POLDIP2: variants seen among roughly 807,000 people sequenced by gnomAD.
The protein encoded by POLDIP2 is polymerase delta-interacting protein 2.
In POLDIP2, 32 loss-of-function variants were observed where a neutral mutation model predicts 52.9. That is an observed-to-expected ratio of 0.61 (90% CI 0.46 to 0.81). The LOEUF is 0.81. Ranked by LOEUF, POLDIP2 falls within the 40% of genes least tolerant of loss-of-function variation. POLDIP2 has a pLI of 0.00. For missense variants in POLDIP2, 371 were observed against 477.3 expected (o/e 0.78, Z 2.07); for synonymous variants, 183 against 183.0 (o/e 1.00, Z 0.00).
chr17:28,349,075 T>A lies in POLDIP2; in HGVS notation c.992+8A>T, dbSNP rs1907697521. 6.2e-7 allele frequency: 1 copy of A among 1,601,420 alleles called. No homozygotes were observed. The highest frequency in any genetic ancestry group is 1.1e-5 in the South Asian group (1 of 90,482). ...GGGTGGCCCCTACTGCTGTGCACACTCACTCACCACATGTGCCCACTGGAA... is the reference window on the plus strand; with the variant it reads ...GGGTGGCCCCTACTGCTGTGCACACACACTCACCACATGTGCCCACTGGAA... On this transcript the variant is annotated splice_region_variant and intron_variant, in intron 10 of 10. Coordinates refer to ENST00000540200, the MANE Select transcript of POLDIP2 (RefSeq NM_015584.5).
At position 28,357,500 on chromosome 17, in the gene POLDIP2, G is replaced by A. The variant is rs1288002762; in HGVS notation, c.-52C>T. On this transcript the variant is annotated 5_prime_UTR_variant, in exon 1 of 11. Transcript: ENST00000540200. ...CTGACACAGAGCCCGACCCGCGGCC[G>A]GGCGGCGTTCCGCCCCAGTCCCACA... 4 of 1,432,928 alleles carry A rather than the reference G, an allele frequency of 2.8e-6. No homozygotes were observed. The highest frequency in any genetic ancestry group is 1.5e-5 in the South Asian group (1 of 67,040). The allele number at this position is 1,432,928 out of a possible 1,614,324, so 88.8% of individuals were successfully genotyped here. A position where few individuals can be genotyped will look rare whatever the true frequency, so the allele number is the denominator to read the frequency against.
At chr17:28,354,641 G>A in intron 2 of POLDIP2, 56 bp from the exon 3 acceptor site, 1 of 1,209,076 alleles carries the variant, frequency 8.3e-7, no homozygotes, top group Non-Finnish European at 1.2e-6. Flanking sequence ...CATCCAGGTG[G>A]GCCCCAGACC....
At position 28,357,451 on chromosome 17, in the gene POLDIP2, C is replaced by G. The variant is rs781900846; in HGVS notation, c.-3G>C. On this transcript the variant is annotated 5_prime_UTR_variant, in exon 1 of 11. Coordinates refer to ENST00000540200, the MANE Select transcript of POLDIP2 (RefSeq NM_015584.5). The stretch of plus-strand genomic sequence containing the variant: ...CGCCGGGCTGTACAGGCTGCCATGT[C>G]CCGCCCGAGCGCCCGCCCGGCTGCT... The G allele has an allele frequency of 1.1e-4, 163 of 1,438,982 alleles. No individual in the cohort carries two copies. Among genetic ancestry groups the G allele is most frequent in the Non-Finnish European group, 1.5e-4 (162 of 1,110,622 alleles). 89.1% of individuals were successfully genotyped at this position (1,438,982 alleles called of 1,614,324 possible).
rs574594599 is a variant in POLDIP2 at position 28,347,174 on chromosome 17, G to C, written c.*943C>G. ...GCTCCCCCTGGAGGACTAAGGACAA[G>C]AATAACAAGGGCTGGAACTGTGATT... On this transcript the variant is annotated 3_prime_UTR_variant, in exon 11 of 11. Transcript: ENST00000540200. The C allele has an allele frequency of 8.8e-4, 134 of 152,310 alleles. No individual in the cohort carries two copies. The highest frequency in any genetic ancestry group is 3.1e-3 in the African/African-American group (129 of 41,556). The allele number at this position is 152,310 out of a possible 1,614,324, so 9.4% of individuals were successfully genotyped here.
rs540589516 is a variant in POLDIP2, at chr17:28,350,384, T to A, written c.912+54A>T. On this transcript the variant is annotated intron_variant, in intron 9 of 10. Transcript: ENST00000540200. The stretch of plus-strand genomic sequence containing the variant: ...AACAAAGGAGAAGGAAGCCATGCGC[T>A]AAGCCCCCAGGCTTGCCACACAGGA... 9.5e-4 allele frequency: 1,450 copies of A among 1,519,206 alleles called. 1 individual carries two copies. The highest frequency in any genetic ancestry group is 1.2e-3 in the Non-Finnish European group (1,352 of 1,127,246). The allele number at this position is 1,519,206 out of a possible 1,614,324, so 94.1% of individuals were successfully genotyped here. A position where few individuals can be genotyped will look rare whatever the true frequency, so the allele number is the denominator to read the frequency against.
chr17:28,353,465 T>G, intron 4 of POLDIP2, 149 bp from the exon 5 acceptor site: 1 of 551,842 alleles, frequency 1.8e-6, no homozygotes, highest in Non-Finnish European at 3.3e-6. Flanking sequence ...GAGGTTGCAG[T>G]GAGCTGAGAT....
Position 28,354,602 on chromosome 17 carries a change from G to C in POLDIP2, c.244-17C>G. 4,950 of 1,299,264 alleles carry C rather than the reference G, an allele frequency of 3.8e-3. No homozygotes were observed. The highest frequency in any genetic ancestry group is 4.9e-3 in the Non-Finnish European group (4,499 of 916,300). 80.5% of individuals were successfully genotyped at this position (1,299,264 alleles called of 1,614,324 possible). ...AAGGAAAAGCTGGAAGGAAAGAGGG[G>C]CCTCAGTGAGTCTGCAGTCCAGCAA... On this transcript the variant is annotated splice_polypyrimidine_tract_variant and intron_variant, in intron 2 of 10. Coordinates refer to ENST00000540200, the MANE Select transcript of POLDIP2 (RefSeq NM_015584.5).
intron 6 of POLDIP2, among the ~76,000 whole-genome samples, chr17:28,352,684 G>A (rs1251971945): frequency 7.9e-5 from 12 of 151,836 alleles, no homozygotes; most frequent in Admixed American, 4.6e-4. Context: ...GATTACAGGC[G>A]CCCACCACCA....
intron 8 of POLDIP2, 100 bp from the exon 9 acceptor site, chr17:28,350,663 A>G (rs1356569268): frequency 1.3e-6 from 2 of 1,555,494 alleles, no homozygotes; most frequent in African/African-American, 1.4e-5. Flanking sequence ...TGACACATGC[A>G]CTGCACAGGT....
chr17:28,356,715 T>C (rs1908051464), intron 1 of POLDIP2, among the ~76,000 whole-genome samples: 1 of 152,224 alleles, frequency 6.6e-6, no homozygotes, highest in African/African-American at 2.4e-5. Context: ...GTTTTGAAGA[T>C]GTGAACTTTA....
At position 28,351,729 on chromosome 17, in the gene POLDIP2, C is replaced by T. The variant is rs782083938; in HGVS notation, c.694G>A (p.Asp232Asn). Residue 232 changes from aspartate to asparagine, a missense_variant, in exon 7 of 11, where the codon GAT (aspartate) becomes AAT (asparagine). By Grantham distance (23) the Asp-to-Asn change is conservative. Coordinates refer to ENST00000540200, the MANE Select transcript of POLDIP2 (RefSeq NM_015584.5). ...EKNHPWLELSDVHRETTENIR... is the reference protein window; with the variant it reads ...EKNHPWLELSNVHRETTENIR... Reference sequence around the variant, plus strand: ...TTCTCAGTTGTTTCCCGATGAACATCGGAGAGCTCCAGCCAGGGGTGATTC... The same window carrying T: ...TTCTCAGTTGTTTCCCGATGAACATTGGAGAGCTCCAGCCAGGGGTGATTC... The T allele has an allele frequency of 2.7e-5, 44 of 1,613,524 alleles. No homozygotes were observed. The highest frequency in any genetic ancestry group is 3.5e-5 in the Non-Finnish European group (41 of 1,179,602).
intron 9 of POLDIP2, among the ~76,000 whole-genome samples, chr17:28,350,078 G>A (rs1184980516): frequency 6.6e-6 from 1 of 152,120 alleles, no homozygotes; most frequent in African/African-American, 2.4e-5. Flanking sequence ...CACAGGGATT[G>A]GTGGGGGTGT....
At chr17:28,352,245 T>TTTTTTTTTTTTTTTTTG (rs1907826191) in intron 6 of POLDIP2, among the ~76,000 whole-genome samples, 1 of 134,626 alleles carries the variant, frequency 7.4e-6, no homozygotes, top group African/African-American at 2.9e-5. Context: ...TTCTTTTTTT[T>TTTTTTTTTTTTTTTTTG]TTTTTTTTTT....
At position 28,352,955 on chromosome 17, in the gene POLDIP2, T is replaced by A; in HGVS notation, c.579A>T (p.Gln193His). The A allele has an allele frequency of 6.4e-7, 1 of 1,571,130 alleles. No individual in the cohort carries two copies. Among genetic ancestry groups the A allele is most frequent in the Non-Finnish European group, 8.8e-7 (1 of 1,140,660 alleles). ...GAAGAAATCTTTCAAAGAGTTCATGTTGGATGGGAACCTGATCAGTGGAGG... is the reference window on the plus strand; with the variant it reads ...GAAGAAATCTTTCAAAGAGTTCATGATGGATGGGAACCTGATCAGTGGAGG... ...PYTSTDQVPIQHELFERFLLY... is the reference protein window; with the variant it reads ...PYTSTDQVPIHHELFERFLLY... Residue 193 changes from glutamine (Q) to histidine (H), a missense_variant, in exon 6 of 11, where the codon CAA becomes CAT. Transcript: ENST00000540200.
rs782528171 is a variant in POLDIP2 at position 28,357,329 on chromosome 17, C to A, written c.120G>T (p.Ser40=). The part of the protein sequence containing the change: ...LCAAAGAGAF[S]PASTTTTRRH... ...TCCGCGTCGTCGTGGTCGACGCTGG[C>A]GAGAAGGCTCCAGCTCCGGCCGCCG... The change falls in exon 1 of 11, where the codon TCG becomes TCT. Residue 40 remains serine (S), a synonymous_variant. Transcript: ENST00000540200. 2.5e-6 allele frequency: 4 copies of A among 1,578,802 alleles called. No individual in the cohort carries two copies. The highest frequency in any genetic ancestry group is 1.1e-5 in the South Asian group (1 of 89,050).
At chr17:28,351,867 C>T in intron 6 of POLDIP2, 67 bp from the exon 7 acceptor site, 1 of 1,439,480 alleles carries the variant, frequency 6.9e-7, no homozygotes, top group Non-Finnish European at 9.8e-7. Context: ...AGTCCAATCA[C>T]ACAATAGTCC....
Position 28,351,676 on chromosome 17 carries a change from G to C in POLDIP2, c.747C>G (p.Tyr249Ter). 1 of 1,613,718 alleles carries C rather than the reference G, an allele frequency of 6.2e-7. No homozygotes were observed. Among genetic ancestry groups the C allele is most frequent in the Non-Finnish European group, 8.5e-7 (1 of 1,179,696 alleles). Residue 249 changes from tyrosine to a stop codon, truncating the protein, a stop_gained, in exon 7 of 11, where the codon TAC becomes TAG. Transcript: ENST00000540200. LOFTEE classifies it high-confidence loss of function. ...ENIRVTVIPFYMGMREAQNSH... is the reference protein window; with the variant it reads ...ENIRVTVIPF ...GCTGGCCACATACCCTCATGCCCAT[G>C]TAGAAGGGGATGACAGTGACACGTA...
Position 28,354,488 on chromosome 17 carries a change from T to C in POLDIP2, c.341A>G (p.Lys114Arg), listed in dbSNP as rs781823441. 26 of 1,552,022 alleles carry C rather than the reference T, an allele frequency of 1.7e-5. 2 individuals carry two copies. In the South Asian group the frequency reaches 2.9e-4, roughly 17 times the overall value. ...GAGGCACAACCACAGGGAAACTTAC[T>C]TTTCTGGAGCTGCAGAAGCCACATC... ...DRDVASAAPE[K>R]AENPAGHGSK... is the part of the protein sequence containing the mutation. The change falls in exon 3 of 11, where the codon AAA becomes AGA. Residue 114 changes from lysine (K) to arginine (R), a missense_variant and splice_region_variant. Physicochemically the swap from Lys to Arg is conservative, Grantham distance 26. Transcript: ENST00000540200.
chr17:28,353,063 G>A (rs781969221), intron 5 of POLDIP2, 44 bp from the exon 6 acceptor site: 5 of 809,060 alleles, frequency 6.2e-6, no homozygotes, highest in Admixed American at 3.5e-5. Flanking sequence ...TCACAGGAGA[G>A]GAGAGAGATG....
Sources: allele counts gnomAD v4.1 joint callset (sites outside exome capture counted in the v4.1 genomes callset), GRCh38; gene constraint gnomAD v4.1.1; transcripts MANE v1.5; gene names NCBI Gene and HGNC (gene_info 2026-07-23, HGNC 2026-07-21).